Variants in MAD1L1 observed in about 807,000 individuals in gnomAD.
MAD1L1 encodes mitotic arrest deficient 1 like 1.
Under a neutral mutation model 96.9 loss-of-function variants are expected in MAD1L1, and 95 were observed. The ratio of observed to expected loss-of-function variants is 0.98; its 90% CI spans 0.83 to 1.16. The LOEUF (loss-of-function observed/expected upper bound fraction) is 1.16. Ranked by LOEUF, MAD1L1 falls within the 50% of genes most tolerant of loss-of-function variation. MAD1L1 has a pLI of 0.00. For missense variants in MAD1L1, 1,007 were observed against 954.4 expected, an observed-to-expected ratio of 1.06 and a Z score of -0.73; for synonymous variants, 473 against 396.6, an observed-to-expected ratio of 1.19 and a Z score of -2.29.
At chr7:1,927,886 G>C (rs187459518) in intron 17 of MAD1L1, among the ~76,000 whole-genome samples, 216 of 152,196 alleles carry the variant, frequency 1.4e-3, no homozygotes, top group African/African-American at 4.6e-3. Flanking sequence ...GGCTCGTCAC[G>C]GGCTGGGAGA....
At chr7:1,870,737 CGCTG>C in intron 18 of MAD1L1, among the ~76,000 whole-genome samples, 1 of 143,316 alleles carries the variant, frequency 7.0e-6, no homozygotes, top group Non-Finnish European at 1.5e-5. Context: ...ACACCTGCCA[CGCTG>C]AACCCAACAT....
chr7:1,835,465 G>T (rs1010303984), intron 18 of MAD1L1, among the ~76,000 whole-genome samples: 2 of 152,148 alleles, frequency 1.3e-5, no homozygotes, highest in African/African-American at 4.8e-5. Context: ...GTTTAGCGAA[G>T]TTGCAAAATA....
intron 11 of MAD1L1, among the ~76,000 whole-genome samples, chr7:2,120,524 C>T (rs186430348): frequency 1.3e-5 from 2 of 152,320 alleles, no homozygotes; most frequent in Admixed American, 6.5e-5. Flanking sequence ...AGGAACCAAG[C>T]GGAAGCCCCA....
intron 14 of MAD1L1, among the ~76,000 whole-genome samples, chr7:1,996,754 T>C (rs879938239): frequency 6.6e-6 from 1 of 152,200 alleles, no homozygotes; most frequent in African/African-American, 2.4e-5. Flanking sequence ...AAATCAGCAA[T>C]CAAGGAAGAT....
At chr7:2,149,556 C>T (rs1274743765) in intron 10 of MAD1L1, among the ~76,000 whole-genome samples, 1 of 152,370 alleles carries the variant, frequency 6.6e-6, no homozygotes, top group Non-Finnish European at 1.5e-5. Flanking sequence ...ACCCGCCAGG[C>T]CCCTGGCACA....
At chr7:1,885,140 G>A (rs1303707130) in intron 18 of MAD1L1, among the ~76,000 whole-genome samples, 1 of 152,150 alleles carries the variant, frequency 6.6e-6, no homozygotes, top group Non-Finnish European at 1.5e-5. Flanking sequence ...AGCAGGACAG[G>A]GGAAGAGAAA....
chr7:2,083,063 G>C (rs142645066), intron 11 of MAD1L1, among the ~76,000 whole-genome samples: 12 of 152,224 alleles, frequency 7.9e-5, no homozygotes, highest in Non-Finnish European at 1.6e-4. Context: ...CCCTCCCTGC[G>C]CGTGACGTCC....
intron 10 of MAD1L1, among the ~76,000 whole-genome samples, chr7:2,179,189 C>G (rs1791075579): frequency 6.6e-6 from 1 of 152,140 alleles, no homozygotes; most frequent in Non-Finnish European, 1.5e-5. Flanking sequence ...GGCATTTTAA[C>G]TCACCCTGGT....
intron 18 of MAD1L1, among the ~76,000 whole-genome samples, chr7:1,821,080 CAAA>C (rs35460625): frequency 3.3e-5 from 1 of 30,318 alleles, no homozygotes; most frequent in Admixed American, 4.3e-4. Context: ...GACTCCATCT[CAAA>C]AAAAAAAAAA....
At chr7:2,124,692 C>T (rs948121224) in intron 11 of MAD1L1, among the ~76,000 whole-genome samples, 3 of 152,174 alleles carry the variant, frequency 2.0e-5, no homozygotes, top group Non-Finnish European at 2.9e-5. Flanking sequence ...TCACACACCC[C>T]GGGAGGGCCA....
At position 1,954,694 on chromosome 7, in the gene MAD1L1, G is replaced by A. The variant is rs529874565; in HGVS notation, c.1596+2935C>T. 4.6e-5 allele frequency among the ~76,000 whole-genome samples: 7 copies of A among 152,332 alleles called. No individual in the cohort carries two copies. The South Asian group carries it at 1.5e-3, about 32-fold the overall frequency. On this transcript the variant is annotated intron_variant, in intron 16 of 18. Coordinates refer to ENST00000265854, the MANE Select transcript of MAD1L1 (RefSeq NM_001013836.2). ...CTGCAACACGTTCAAGACTCATTCT[G>A]CCTCCTAACATGGAGAGTCTGAGCT...
intron 17 of MAD1L1, among the ~76,000 whole-genome samples, chr7:1,933,731 G>A (rs1193939851): frequency 6.6e-6 from 1 of 152,218 alleles, no homozygotes; most frequent in African/African-American, 2.4e-5. Flanking sequence ...TTGTTTTGGA[G>A]TCTTCATCTT....
chr7:2,208,446 G>A (rs1792711882), intron 10 of MAD1L1, among the ~76,000 whole-genome samples: 1 of 151,062 alleles, frequency 6.6e-6, no homozygotes, highest in Non-Finnish European at 1.5e-5. Flanking sequence ...AGTGCAACCA[G>A]GGGTGCAGGG....
At chr7:2,129,075 G>A (rs1788380596) in intron 11 of MAD1L1, among the ~76,000 whole-genome samples, 1 of 152,220 alleles carries the variant, frequency 6.6e-6, no homozygotes, top group Non-Finnish European at 1.5e-5. Context: ...TTGGGTTTGT[G>A]GGCAGGCAGC....
intron 17 of MAD1L1, among the ~76,000 whole-genome samples, chr7:1,915,356 G>C (rs1378772319): frequency 6.6e-6 from 1 of 152,212 alleles, no homozygotes; most frequent in Non-Finnish European, 1.5e-5. Context: ...AGGCGTCCTG[G>C]CAGCACCTGG....
At chr7:1,938,903 G>GCGCA (rs1234582007) in intron 16 of MAD1L1, among the ~76,000 whole-genome samples, 2 of 81,846 alleles carry the variant, frequency 2.4e-5, no homozygotes, top group African/African-American at 1.3e-4. Context: ...CCAGAGGCGC[G>GCGCA]CACACACACA....
chr7:2,018,595 G>C (rs1260676993), intron 12 of MAD1L1, among the ~76,000 whole-genome samples: 1 of 152,188 alleles, frequency 6.6e-6, no homozygotes, highest in Non-Finnish European at 1.5e-5. Context: ...GTCAGTGGCA[G>C]CCTGAAGGGG....
chr7:1,936,024 T>C (rs368928445), intron 17 of MAD1L1, among the ~76,000 whole-genome samples: 5 of 152,340 alleles, frequency 3.3e-5, no homozygotes, highest in South Asian at 2.1e-4. Context: ...AGGGGTCTCC[T>C]GAGCCCCACA....
rs1784252815 is a variant in MAD1L1 at position 1,856,401 on chromosome 7, CCCCCTGCCTCCAGCGG to C, written c.1999-40189_1999-40174del. On this transcript the variant is annotated intron_variant, in intron 18 of 18. Coordinates refer to ENST00000265854, the MANE Select transcript of MAD1L1 (RefSeq NM_001013836.2). Reference sequence around the variant, plus strand: ...CCCCACAGGCCAGCCTCTGTGGGGGCCCCCTGCCTCCAGCGGCCCCTGCCGGGGTTGGGGGATGGGA... The same window carrying C: ...CCCCACAGGCCAGCCTCTGTGGGGGCCCCCTGCCGGGGTTGGGGGATGGGA... Among the ~76,000 whole-genome samples the C allele has an allele frequency of 2.0e-5, 3 of 152,240 alleles. No homozygotes were observed. In the South Asian group the frequency reaches 6.2e-4, roughly 32 times the overall value.
Sources: allele counts gnomAD v4.1 joint callset (sites outside exome capture counted in the v4.1 genomes callset), GRCh38; gene constraint gnomAD v4.1.1; transcripts MANE v1.5; gene names NCBI Gene and HGNC (gene_info 2026-07-23, HGNC 2026-07-21).